KCNMA1: variants seen among roughly 807,000 people sequenced by gnomAD.
KCNMA1 encodes the protein Calcium-activated potassium channel subunit alpha-1.
In KCNMA1, 29 loss-of-function variants were observed where a neutral mutation model predicts 140.0. The ratio of observed to expected loss-of-function variants is 0.21; its 90% CI spans 0.15 to 0.28. The LOEUF is 0.28. Ranked by LOEUF, KCNMA1 falls within the 10% of genes least tolerant of loss-of-function variation. The pLI, the probability that KCNMA1 is intolerant of heterozygous loss-of-function variation, is 1.00. For synonymous variants in KCNMA1, 612 were observed against 611.9 expected, an observed-to-expected ratio of 1.00 and a Z score of 0.00; for missense variants, 880 against 1,602.2, an observed-to-expected ratio of 0.55 and a Z score of 7.70.
chr10:77,546,381 AC>A (rs5786294), intron 1 of KCNMA1, among the ~76,000 whole-genome samples: 151,579 of 151,580 alleles, frequency 1, 75,789 homozygotes, highest in Non-Finnish European at 1. Context: ...GCTCTGATCC[AC>A]CCCCACAGGG....
intron 1 of KCNMA1, among the ~76,000 whole-genome samples, chr10:77,466,413 T>C (rs16934836): frequency 0.021 from 3,168 of 152,288 alleles, 77 homozygotes; most frequent in African/African-American, 0.05. Context: ...GCCCAAACGA[T>C]GCTCACTCAG....
intron 1 of KCNMA1, among the ~76,000 whole-genome samples, chr10:77,404,399 C>T (rs1272121312): frequency 6.6e-6 from 1 of 152,080 alleles, no homozygotes; most frequent in African/African-American, 2.4e-5. Context: ...ACGCCTCAGC[C>T]TCCCTAGTAG....
At chr10:77,307,696 A>G (rs2078155534) in intron 2 of KCNMA1, among the ~76,000 whole-genome samples, 1 of 152,014 alleles carries the variant, frequency 6.6e-6, no homozygotes, top group Non-Finnish European at 1.5e-5. Flanking sequence ...ACAGGCGCGC[A>G]CCACCACGCC....
At chr10:77,424,764 G>C (rs2096940662) in intron 1 of KCNMA1, among the ~76,000 whole-genome samples, 1 of 152,232 alleles carries the variant, frequency 6.6e-6, no homozygotes, top group Non-Finnish European at 1.5e-5. Flanking sequence ...TTTCTGCTGA[G>C]CCTCAAAGGA....
chr10:77,583,710 G>C (rs1046593008), intron 1 of KCNMA1, among the ~76,000 whole-genome samples: 4 of 152,168 alleles, frequency 2.6e-5, no homozygotes, highest in African/African-American at 9.7e-5. Flanking sequence ...AGCAGATGAA[G>C]AGGAAGTGGG....
At chr10:76,891,124 C>A (rs1476063256) in intron 26 of KCNMA1, among the ~76,000 whole-genome samples, 3 of 152,202 alleles carry the variant, frequency 2.0e-5, no homozygotes, top group Non-Finnish European at 2.9e-5. Context: ...ATTTCCCAAC[C>A]TTGGCTGCAT....
chr10:76,919,660 T>C (rs1201904084), intron 23 of KCNMA1, among the ~76,000 whole-genome samples: 1 of 152,154 alleles, frequency 6.6e-6, no homozygotes, highest in Admixed American at 6.5e-5. Flanking sequence ...CCTCCACCTA[T>C]AAGCCATGGC....
At chr10:77,591,710 C>T (rs564725607) in intron 1 of KCNMA1, among the ~76,000 whole-genome samples, 1 of 152,348 alleles carries the variant, frequency 6.6e-6, no homozygotes, top group African/African-American at 2.4e-5. Flanking sequence ...CTCCTGGCTT[C>T]CCTGGGAATG....
At chr10:77,517,571 G>A (rs1166961632) in intron 1 of KCNMA1, among the ~76,000 whole-genome samples, 1 of 152,162 alleles carries the variant, frequency 6.6e-6, no homozygotes, top group Non-Finnish European at 1.5e-5. Context: ...TGGGGCTCAT[G>A]GGGCAAGAAG....
At chr10:77,159,420 T>C (rs2098529650) in intron 5 of KCNMA1, among the ~76,000 whole-genome samples, 1 of 152,264 alleles carries the variant, frequency 6.6e-6, no homozygotes, top group African/African-American at 2.4e-5. Flanking sequence ...TGGGCTTATG[T>C]AGGGCTTTGA....
chr10:77,616,850 C>A (rs914915129), intron 1 of KCNMA1, among the ~76,000 whole-genome samples: 1 of 151,134 alleles, frequency 6.6e-6, no homozygotes. Context: ...TGTTTGAGGG[C>A]GTTTTCAGTA....
intron 2 of KCNMA1, among the ~76,000 whole-genome samples, chr10:77,342,340 C>T (rs546960400): frequency 1.6e-4 from 25 of 152,326 alleles, no homozygotes; most frequent in Admixed American, 2.6e-4. Context: ...TTAAATCTGA[C>T]GCCTACCCTG....
At chr10:77,187,970 A>G (rs2098892452) in intron 3 of KCNMA1, among the ~76,000 whole-genome samples, 1 of 152,160 alleles carries the variant, frequency 6.6e-6, no homozygotes, top group Non-Finnish European at 1.5e-5. Context: ...AAAAGAATAC[A>G]TATTTCAACA....
chr10:77,128,704 G>A (rs1217061515), intron 5 of KCNMA1, among the ~76,000 whole-genome samples: 5 of 152,104 alleles, frequency 3.3e-5, no homozygotes, highest in Admixed American at 1.3e-4. Flanking sequence ...CAACTTTGCT[G>A]TAAATAATAG....
intron 1 of KCNMA1, among the ~76,000 whole-genome samples, chr10:77,591,911 A>T (rs1429373124): frequency 6.6e-6 from 1 of 152,188 alleles, no homozygotes; most frequent in African/African-American, 2.4e-5. Context: ...ATCCAGCCCA[A>T]CTGCCCATCA....
chr10:77,209,910 T>TA (rs1187853740), intron 3 of KCNMA1, among the ~76,000 whole-genome samples: 7 of 122,006 alleles, frequency 5.7e-5, no homozygotes, highest in African/African-American at 9.1e-5. Context: ...ATCAGTAATT[T>TA]AAAAAAAACC....
chr10:77,597,997 A>G (rs1033856606), intron 1 of KCNMA1, among the ~76,000 whole-genome samples: 3 of 152,148 alleles, frequency 2.0e-5, no homozygotes, highest in African/African-American at 7.2e-5. Context: ...ATTGAGACTG[A>G]GTCTCACTTT....
intron 1 of KCNMA1, among the ~76,000 whole-genome samples, chr10:77,452,474 G>A (rs1325991378): frequency 6.6e-6 from 1 of 152,212 alleles, no homozygotes; most frequent in Non-Finnish European, 1.5e-5. Context: ...GAGGAGGCGA[G>A]GTGATGATTT....
chr10:77,101,600 G>A (rs779880788), intron 9 of KCNMA1, among the ~76,000 whole-genome samples: 2 of 152,160 alleles, frequency 1.3e-5, no homozygotes, highest in Admixed American at 6.5e-5. Context: ...TTGCTGAGGG[G>A]TTCAGGCTGG....
Sources: allele counts gnomAD v4.1 joint callset (sites outside exome capture counted in the v4.1 genomes callset), GRCh38; gene constraint gnomAD v4.1.1; transcripts MANE v1.5; gene names NCBI Gene and HGNC (gene_info 2026-07-23, HGNC 2026-07-21).